The following MYO15A variants were observed in gnomAD, a reference collection of about 807,000 sequenced individuals.
MYO15A encodes myosin XVA.
A neutral mutation model predicts 394.6 loss-of-function variants in MYO15A; 308 were observed. That is an observed-to-expected ratio of 0.78 (90% confidence interval 0.71 to 0.86). The LOEUF (loss-of-function observed/expected upper bound fraction) is 0.86. Among genes scored for constraint, MYO15A ranks in the 40% least tolerant of loss-of-function variants. MYO15A has a pLI of 0.00. For missense variants in MYO15A, 4,606 were observed against 4,799.1 expected (o/e 0.96, Z 1.19); for synonymous variants, 1,957 against 2,003.8 (o/e 0.98, Z 0.62).
intron 65 of MYO15A, among the ~76,000 whole-genome samples, chr17:18,174,899 G>A (rs1396597672): frequency 6.6e-6 from 1 of 152,098 alleles, no homozygotes; most frequent in Non-Finnish European, 1.5e-5. Context: ...TGCCTCTGAG[G>A]GACAGGACCA....
In MYO15A at chr17:18,112,994, C is replaced by CA. The variant is rs540509345; in HGVS notation, c.-220+4171dup. Among the ~76,000 whole-genome samples, 42 of 152,130 alleles carry CA rather than the reference C, an allele frequency of 2.8e-4. No homozygotes were observed. In the South Asian group the frequency reaches 7.5e-3, roughly 27 times the overall value. ...TCCCAAGTAGCTAGGACTACAGGCA[C>CA]ACGCTGCTACACCCAGCTAATTTTT... On this transcript the variant is annotated intron_variant, in intron 1 of 65. Coordinates refer to ENST00000647165, the MANE Select transcript of MYO15A (RefSeq NM_016239.4).
chr17:18,137,478 C>A, intron 15 of MYO15A, 106 bp from the exon 16 acceptor site: 2 of 881,758 alleles, frequency 2.3e-6, no homozygotes, highest in Non-Finnish European at 3.7e-6. Flanking sequence ...GAGCTGAGGG[C>A]CTGTGGCTGA....
At chr17:18,113,754 G>A (rs1217473886) in intron 1 of MYO15A, among the ~76,000 whole-genome samples, 4 of 140,562 alleles carry the variant, frequency 2.8e-5, no homozygotes, top group Non-Finnish European at 6.1e-5. Context: ...AAAAAAAAAA[G>A]GCAAACATAA....
intron 62 of MYO15A, among the ~76,000 whole-genome samples, chr17:18,169,904 G>C (rs530425189): frequency 2.6e-4 from 38 of 146,440 alleles, no homozygotes; most frequent in African/African-American, 8.9e-4. Flanking sequence ...GTTCGAGTTC[G>C]AGGCTGCAGT....
Position 18,145,889 on chromosome 17 carries a change from C to G in MYO15A, c.6291C>G (p.Gly2097=), listed in dbSNP as rs745667542. Residue 2097 remains glycine (G), a synonymous_variant, in exon 30 of 66, where the codon GGC becomes GGG. Coordinates refer to ENST00000647165, the MANE Select transcript of MYO15A (RefSeq NM_016239.4). ...SIFKLILRFM[G]DPHLHGAREN... ...TGGCCCAGATCCTGCGCTTCATGGG[C>G]GACCCCCACCTGCATGGTGCCCGGG... The G allele has an allele frequency of 6.2e-7, 1 of 1,613,210 alleles. No homozygotes were observed. The highest frequency in any genetic ancestry group is 8.5e-7 in the Non-Finnish European group (1 of 1,180,000).
Position 18,120,254 on chromosome 17 carries a change from T to C in MYO15A, c.1454T>C (p.Val485Ala), listed in dbSNP as rs200532919. ...TTCCGCCTCTTCCCGCGACCCCAGGTGAAGCTGTTTGGGAAGGAGAAGCTG... is the reference window on the plus strand; with the variant it reads ...TTCCGCCTCTTCCCGCGACCCCAGGCGAAGCTGTTTGGGAAGGAGAAGCTG... Reference protein sequence around the residue: ...RKFRLFPRPQVKLFGKEKLEV... With the variant: ...RKFRLFPRPQAKLFGKEKLEV... The change falls in exon 2 of 66, where the codon GTG (valine) becomes GCG (alanine). Residue 485 changes from valine (V) to alanine (A), a missense_variant. By Grantham distance (64) the Val-to-Ala change is moderately conservative. Around this residue, in one of 2 missense-constraint regions of MYO15A, gnomAD observed 1,830 missense variants for 1,689.7 expected, o/e 1.08. Transcript: ENST00000647165. 8.8e-4 allele frequency: 1,421 copies of C among 1,612,074 alleles called. 7 individuals are homozygous for C. The highest frequency in any genetic ancestry group is 3.8e-3 in the Middle Eastern group (23 of 6,062).
intron 42 of MYO15A, among the ~76,000 whole-genome samples, 197 bp downstream of exon 42, chr17:18,152,381 T>C (rs1484641970): frequency 6.6e-6 from 1 of 152,150 alleles, no homozygotes. Flanking sequence ...TGGCCTCATG[T>C]AATCCTACCA....
rs537476138 is a variant in MYO15A at position 18,167,855 on chromosome 17, G to T, written c.10082+132G>T. 3 of 1,404,458 alleles carry T rather than the reference G, an allele frequency of 2.1e-6. No individual in the cohort carries two copies. The Admixed American group carries it at 5.9e-5, about 28-fold the overall frequency. The allele number at this position is 1,404,458 out of a possible 1,614,324, so 87.0% of individuals were successfully genotyped here. A position where few individuals can be genotyped will look rare whatever the true frequency, so the allele number is the denominator to read the frequency against. On this transcript the variant is annotated intron_variant, in intron 62 of 65. Transcript: ENST00000647165. ...CTCTTATACCAGTGGGGCTATCTGG[G>T]AAGGGGCTGTCCTTGCCTGGGGGCT...
rs144238362 is a variant in MYO15A at position 18,127,834 on chromosome 17, G to GATACAT, written c.4032+672_4032+673insCATATA. The stretch of plus-strand genomic sequence containing the variant: ...TGGTGGAGGTGGGAAGAAAAAAAAA[G>GATACAT]ATATATATATATATATATATATATA... On this transcript the variant is annotated intron_variant, in intron 7 of 65. Transcript: ENST00000647165. 4.9e-4 allele frequency among the ~76,000 whole-genome samples: 64 copies of GATACAT among 131,092 alleles called. 1 individual carries two copies. The highest frequency in any genetic ancestry group is 4.8e-5 in the Non-Finnish European group (3 of 62,928). 86.0% of individuals were successfully genotyped at this position (131,092 alleles called of 152,430 possible). A position where few individuals can be genotyped will look rare whatever the true frequency, so the allele number is the denominator to read the frequency against.
intron 61 of MYO15A, among the ~76,000 whole-genome samples, 169 bp downstream of exon 61, chr17:18,166,690 C>T (rs2046860061): frequency 6.6e-6 from 1 of 152,192 alleles, no homozygotes; most frequent in Admixed American, 6.5e-5. Flanking sequence ...GAAATCGAAA[C>T]AGCCCTCACC....
chr17:18,136,660 G>A lies in MYO15A; in HGVS notation c.4753G>A (p.Ala1585Thr), dbSNP rs370901781. ...CCCAAGGCAGGACACACTGTCCATC[G>A]CCATCCTGGACATCTATGGTTTCGA... Reference protein sequence around the residue: ...VSPRQDTLSIAILDIYGFEDL... With the variant: ...VSPRQDTLSITILDIYGFEDL... The change falls in exon 15 of 66, where the codon GCC (alanine) becomes ACC (threonine). Residue 1585 changes from alanine to threonine, a missense_variant. Coordinates refer to ENST00000647165, the MANE Select transcript of MYO15A (RefSeq NM_016239.4). 2.4e-5 allele frequency: 38 copies of A among 1,611,046 alleles called. 1 individual carries two copies. Among genetic ancestry groups the A allele is most frequent in the Middle Eastern group, 1.6e-4 (1 of 6,084 alleles).
intron 44 of MYO15A, among the ~76,000 whole-genome samples, chr17:18,154,419 G>T (rs1234164826): frequency 2.6e-5 from 4 of 152,222 alleles, no homozygotes; most frequent in Non-Finnish European, 5.9e-5. Context: ...ATGGCCCAGA[G>T]ATCAAATGTA....
chr17:18,149,218 T>A lies in MYO15A; in HGVS notation c.6959T>A (p.Val2320Glu). ...CTCCATGTTCCTTTTCTCCACAGGG[T>A]GTTTGGGAACAGCTGGGACTCGGAT... ...PAASRGGPKV[V>E]FGNSWDSDED... The change falls in exon 34 of 66, where the codon GTG (valine) becomes GAG (glutamate). Residue 2320 changes from valine (V) to glutamate (E), a missense_variant and splice_region_variant. Around this residue, in one of 2 missense-constraint regions of MYO15A, gnomAD observed 2,776 missense variants for 3,109.3 expected, o/e 0.89. Coordinates refer to ENST00000647165, the MANE Select transcript of MYO15A (RefSeq NM_016239.4). 1 of 1,613,846 alleles carries A rather than the reference T, an allele frequency of 6.2e-7. No individual in the cohort carries two copies. The highest frequency in any genetic ancestry group is 8.5e-7 in the Non-Finnish European group (1 of 1,179,890).
At chr17:18,172,099 T>C in intron 63 of MYO15A, 58 bp from the exon 64 acceptor site, 1 of 1,612,762 alleles carries the variant, frequency 6.2e-7, no homozygotes, top group South Asian at 1.1e-5. Flanking sequence ...TTCAGGGCCA[T>C]GGCTGTTGTC....
intron 28 of MYO15A, 90 bp from the exon 29 acceptor site, chr17:18,144,407 G>A (rs2046438970): frequency 2.5e-6 from 3 of 1,215,940 alleles, no homozygotes; most frequent in Non-Finnish European, 2.4e-6. Flanking sequence ...TGCCTCATAG[G>A]CCTTGGAGCC....
rs1192020361 is a variant in MYO15A, at chr17:18,147,104, G to A, written c.6510-925G>A. ...GAGAAGGATGATTTGCAAGGAAATC[G>A]CTCAGGCAGGCCCTGGGTGTGAATC... On this transcript the variant is annotated intron_variant, in intron 30 of 65. Transcript: ENST00000647165. The surrounding 1 kb of genome is among the most constrained non-coding windows in gnomAD (Gnocchi z 4.4). 6.6e-6 allele frequency among the ~76,000 whole-genome samples: 1 copy of A among 152,160 alleles called. No individual in the cohort carries two copies. Among genetic ancestry groups the A allele is most frequent in the Non-Finnish European group, 1.5e-5 (1 of 68,022 alleles).
chr17:18,148,933 A>G lies in MYO15A; in HGVS notation c.6937A>G (p.Ser2313Gly). ...FIVGTEGPAA[S>G]RGGPKVVFGN... is the part of the protein sequence containing the mutation. ...TGTGGGCACAGAGGGGCCTGCAGCCAGCAGGGGAGGCCCCAAAGTGTAGGT... is the reference window on the plus strand; with the variant it reads ...TGTGGGCACAGAGGGGCCTGCAGCCGGCAGGGGAGGCCCCAAAGTGTAGGT... The change falls in exon 33 of 66, where the codon AGC (serine) becomes GGC (glycine). Residue 2313 changes from serine to glycine, a missense_variant. Physicochemically the swap from Ser to Gly is moderately conservative, Grantham distance 56. Transcript: ENST00000647165. This position sits in a 1 kb window ranked among gnomAD's most constrained non-coding sequence, Gnocchi z 4.8. 1.2e-6 allele frequency: 2 copies of G among 1,601,178 alleles called. No homozygotes were observed. Among genetic ancestry groups the G allele is most frequent in the Non-Finnish European group, 1.7e-6 (2 of 1,173,968 alleles).
chr17:18,148,478 G>T lies in MYO15A; in HGVS notation c.6692-18G>T, dbSNP rs1390756801. ...ACTCAGATGCTCCAACCTGAGCCCG[G>T]CACCTGCTGCGCCCCAGGTGACCAG... On this transcript the variant is annotated intron_variant, in intron 31 of 65. Coordinates refer to ENST00000647165, the MANE Select transcript of MYO15A (RefSeq NM_016239.4). The surrounding 1 kb of genome is among the most constrained non-coding windows in gnomAD (Gnocchi z 4.8). The T allele has an allele frequency of 1.9e-6, 3 of 1,551,730 alleles. No individual in the cohort carries two copies. The highest frequency in any genetic ancestry group is 2.6e-6 in the Non-Finnish European group (3 of 1,147,094).
At position 18,124,366 on chromosome 17, in the gene MYO15A, G is replaced by A. The variant is rs576293283; in HGVS notation, c.3610-117G>A. 52 of 1,010,168 alleles carry A rather than the reference G, an allele frequency of 5.1e-5. No individual in the cohort carries two copies. The African/African-American group carries it at 7.7e-4, about 15-fold the overall frequency. The allele number at this position is 1,010,168 out of a possible 1,614,324, so 62.6% of individuals were successfully genotyped here. A position where few individuals can be genotyped will look rare whatever the true frequency, so the allele number is the denominator to read the frequency against. On this transcript the variant is annotated intron_variant, in intron 2 of 65. Coordinates refer to ENST00000647165, the MANE Select transcript of MYO15A (RefSeq NM_016239.4). ...ATGAGGAGACCTGCAGGACCCACCT[G>A]GCCTTGGGGTTCCCTCCCCAACAAT...
Sources: allele counts gnomAD v4.1 joint callset (sites outside exome capture counted in the v4.1 genomes callset), GRCh38; gene constraint gnomAD v4.1.1; regional missense constraint gnomAD v4.1.1; non-coding constraint Gnocchi (gnomAD v3.1); transcripts MANE v1.5; gene names NCBI Gene and HGNC (gene_info 2026-07-23, HGNC 2026-07-21).